Variants in SKI observed in about 807,000 individuals in gnomAD.
SKI encodes the protein SKI proto-oncogene, also known as ski oncogene.
In SKI, 23 loss-of-function variants were observed where a neutral mutation model predicts 59.3. That is an observed-to-expected ratio of 0.39 (90% CI 0.28 to 0.55). SKI has a LOEUF of 0.55. SKI is among the 20% of genes least tolerant of loss of function. SKI has a pLI of 0.67. For synonymous variants in SKI, 673 were observed against 488.6 expected (o/e 1.38, Z -4.98); for missense variants, 1,017 against 1,038.9 (o/e 0.98, Z 0.29).
chr1:2,232,113 G>A (rs1308598078), intron 1 of SKI, among the ~76,000 whole-genome samples: 1 of 152,256 alleles, frequency 6.6e-6, no homozygotes, highest in East Asian at 1.9e-4. Flanking sequence ...ACTGGCCGCC[G>A]TTGGCTCCTC....
At chr1:2,249,596 G>A (rs1639077832) in intron 1 of SKI, among the ~76,000 whole-genome samples, 1 of 152,210 alleles carries the variant, frequency 6.6e-6, no homozygotes, top group Non-Finnish European at 1.5e-5. Context: ...GCAGTGAGTG[G>A]AGAGCCAGCT....
rs529701280 is a variant in SKI, at chr1:2,279,579, G to A, written c.970-23399G>A. 3.0e-4 allele frequency among the ~76,000 whole-genome samples: 45 copies of A among 152,290 alleles called. 1 individual carries two copies. Among genetic ancestry groups the A allele is most frequent in the African/African-American group, 9.4e-4 (39 of 41,580 alleles). ...CTGACAACAGCTCCAGCTGCAGGGG[G>A]AGGGGGGAGGGGAGAGCAGAGTGGG... On this transcript the variant is annotated intron_variant, in intron 1 of 6. Transcript: ENST00000378536.
At chr1:2,277,906 C>G (rs923229555) in intron 1 of SKI, among the ~76,000 whole-genome samples, 1 of 151,748 alleles carries the variant, frequency 6.6e-6, no homozygotes, top group Non-Finnish European at 1.5e-5. Context: ...ACTCAACGCA[C>G]TCGTCAGGAC....
intron 1 of SKI, among the ~76,000 whole-genome samples, chr1:2,280,278 A>G (rs1159443284): frequency 9.9e-5 from 15 of 151,062 alleles, no homozygotes; most frequent in African/African-American, 3.6e-4. Flanking sequence ...TGGGAGGGCG[A>G]GGCAGGAGAA....
At chr1:2,271,592 C>T (rs1042985351) in intron 1 of SKI, among the ~76,000 whole-genome samples, 4 of 152,166 alleles carry the variant, frequency 2.6e-5, no homozygotes, top group Non-Finnish European at 4.4e-5. Context: ...CCCAGACGCT[C>T]GCCTTTTGTG....
chr1:2,229,604 A>G lies in SKI; in HGVS notation c.838A>G (p.Asn280Asp). ...RTCHWGFDSA[N>D]WRAYILLSQD... The stretch of plus-strand genomic sequence containing the variant: ...CTGCCACTGGGGCTTCGACTCGGCC[A>G]ACTGGCGGGCCTACATCCTGCTGAG... The change falls in exon 1 of 7, where the codon AAC becomes GAC. Residue 280 changes from asparagine (N) to aspartate (D), a missense_variant. Asn to Asp is a conservative substitution (Grantham distance 23, BLOSUM62 1). Coordinates refer to ENST00000378536, the MANE Select transcript of SKI (RefSeq NM_003036.4). The surrounding 1 kb of genome is among the most constrained non-coding windows in gnomAD (Gnocchi z 6.3). 6.2e-7 allele frequency: 1 copy of G among 1,612,602 alleles called. No homozygotes were observed. Among genetic ancestry groups the G allele is most frequent in the Non-Finnish European group, 8.5e-7 (1 of 1,179,966 alleles).
chr1:2,296,619 G>C (rs1226317500), intron 1 of SKI, among the ~76,000 whole-genome samples: 1 of 151,984 alleles, frequency 6.6e-6, no homozygotes, highest in Non-Finnish European at 1.5e-5. Flanking sequence ...CATGTGTTCT[G>C]AATCTGGTCC....
At chr1:2,244,493 T>C (rs1043339413) in intron 1 of SKI, among the ~76,000 whole-genome samples, 4 of 152,148 alleles carry the variant, frequency 2.6e-5, no homozygotes, top group Non-Finnish European at 5.9e-5. Flanking sequence ...GGCTGGAGAA[T>C]AGCTTGAACC....
chr1:2,236,546 A>G (rs1414324573), intron 1 of SKI, among the ~76,000 whole-genome samples: 3 of 152,142 alleles, frequency 2.0e-5, no homozygotes, highest in Non-Finnish European at 2.9e-5. Context: ...AGCTGGGACT[A>G]CAGGTGCGTG....
At chr1:2,265,920 A>G (rs141508308) in intron 1 of SKI, among the ~76,000 whole-genome samples, 152 of 152,176 alleles carry the variant, frequency 1.0e-3, no homozygotes, top group African/African-American at 3.2e-3. Flanking sequence ...GTGAGCTTCA[A>G]TCGCGCCACT....
chr1:2,304,145 G>C (rs199991295), intron 4 of SKI, 43 bp downstream of exon 4: 1 of 1,607,760 alleles, frequency 6.2e-7, no homozygotes. Context: ...TGTGGGCTGT[G>C]GGGGTGGCAC....
At chr1:2,293,641 C>A (rs1040319273) in intron 1 of SKI, among the ~76,000 whole-genome samples, 2 of 152,200 alleles carry the variant, frequency 1.3e-5, no homozygotes, top group African/African-American at 2.4e-5. Context: ...CTCATTCCCC[C>A]GTGTCTTGCT....
At chr1:2,285,408 G>A (rs1280936972) in intron 1 of SKI, among the ~76,000 whole-genome samples, 2 of 151,768 alleles carry the variant, frequency 1.3e-5, no homozygotes, top group African/African-American at 4.8e-5. Context: ...CCAGCTACTA[G>A]GGAGGCTGAG....
rs1307768717 is a variant in SKI, at chr1:2,308,072, T to A, written c.*1307T>A. ...CTCTCACCTGTTTATGCAAATTGTATAAGGTTTCTTATGCCCAAGCTTGAA... is the reference window on the plus strand; with the variant it reads ...CTCTCACCTGTTTATGCAAATTGTAAAAGGTTTCTTATGCCCAAGCTTGAA... On this transcript the variant is annotated 3_prime_UTR_variant, in exon 7 of 7. Coordinates refer to ENST00000378536, the MANE Select transcript of SKI (RefSeq NM_003036.4). The A allele has an allele frequency of 6.6e-6, 1 of 152,398 alleles. No individual in the cohort carries two copies. 9.4% of individuals were successfully genotyped at this position (152,398 alleles called of 1,614,324 possible).
chr1:2,301,237 C>T (rs2100912690), intron 1 of SKI, among the ~76,000 whole-genome samples: 1 of 152,346 alleles, frequency 6.6e-6, no homozygotes, highest in South Asian at 2.1e-4. Flanking sequence ...GGCACAGCAC[C>T]CTGCGGTCAG....
chr1:2,300,073 C>T (rs1376884914), intron 1 of SKI, among the ~76,000 whole-genome samples: 1 of 152,230 alleles, frequency 6.6e-6, no homozygotes, highest in African/African-American at 2.4e-5. Context: ...ATTCCTCAGC[C>T]CAGCCCTGCC....
rs144289749 is a variant in SKI at position 2,261,545 on chromosome 1, G to A, written c.969+31810G>A. Among the ~76,000 whole-genome samples the A allele has an allele frequency of 5.3e-5, 8 of 152,228 alleles. No homozygotes were observed. In the East Asian group the frequency reaches 1.5e-3, roughly 29 times the overall value. ...TGTAAATAATATATTTTAAAAATTC[G>A]ATTACTGGATATAAACGGCCACTAC... On this transcript the variant is annotated intron_variant, in intron 1 of 6. Coordinates refer to ENST00000378536, the MANE Select transcript of SKI (RefSeq NM_003036.4).
chr1:2,264,380 T>G (rs1219699089), intron 1 of SKI, among the ~76,000 whole-genome samples: 1 of 152,028 alleles, frequency 6.6e-6, no homozygotes, highest in Admixed American at 6.6e-5. Flanking sequence ...GTGATTCTCA[T>G]GCCTCAGCCT....
chr1:2,294,176 C>T (rs1305838053), intron 1 of SKI, among the ~76,000 whole-genome samples: 3 of 152,212 alleles, frequency 2.0e-5, no homozygotes, highest in African/African-American at 7.2e-5. Context: ...GCCTCCCTCC[C>T]ACTGGTGCCC....
Sources: gnomAD v4.1 joint callset for allele counts (sites outside exome capture counted in the v4.1 genomes callset) on GRCh38, gnomAD v4.1.1 for gene constraint, Gnocchi (gnomAD v3.1) non-coding constraint, MANE v1.5 for transcripts, NCBI Gene and HGNC (gene_info 2026-07-23, HGNC 2026-07-21) for gene names.